Variants in TPO observed in about 807,000 individuals in gnomAD.
The protein encoded by TPO is thyroid microsomal antigen.
In TPO, 78 loss-of-function variants were observed where a neutral mutation model predicts 96.9. The ratio of observed to expected loss-of-function variants is 0.81; its 90% CI spans 0.67 to 0.97. The LOEUF is 0.97. Ranked by LOEUF, TPO falls within the 50% of genes least tolerant of loss-of-function variation. The pLI, the probability that TPO is intolerant of heterozygous loss-of-function variation, is 0.00. For missense variants in TPO, 1,252 were observed against 1,274.8 expected (o/e 0.98, Z 0.27); for synonymous variants, 547 against 538.0 (o/e 1.02, Z -0.23).
chr2:1,440,505 T>G (rs1666059628), intron 5 of TPO, among the ~76,000 whole-genome samples: 1 of 152,230 alleles, frequency 6.6e-6, no homozygotes, highest in African/African-American at 2.4e-5. Flanking sequence ...GTTTGTATGG[T>G]GTAGTCGGTG....
intron 8 of TPO, among the ~76,000 whole-genome samples, chr2:1,482,465 G>A (rs547441981): frequency 1.3e-5 from 2 of 152,140 alleles, no homozygotes; most frequent in African/African-American, 2.4e-5. Flanking sequence ...ACATGGCACC[G>A]CCAGCAGAGG....
intron 16 of TPO, 91 bp from the exon 17 acceptor site, chr2:1,542,330 G>A (rs2125363852): frequency 1.3e-6 from 2 of 1,545,488 alleles, no homozygotes; most frequent in Non-Finnish European, 8.8e-7. Context: ...AAGAGCTCCT[G>A]TCCAGGCCCT....
intron 1 of TPO, among the ~76,000 whole-genome samples, chr2:1,384,467 GA>G (rs1661856712): frequency 6.6e-6 from 1 of 152,130 alleles, no homozygotes; most frequent in Admixed American, 6.5e-5. Flanking sequence ...TATTCTCTTT[GA>G]AGCAATTGTG....
At position 1,535,858 on chromosome 2, in the gene TPO, TC is replaced by T. The variant is rs113754135; in HGVS notation, c.2619-4730del. On this transcript the variant is annotated intron_variant, in intron 15 of 16. Coordinates refer to ENST00000329066, the MANE Select transcript of TPO (RefSeq NM_001206744.2). ...CCAAACTGTGTGCAACCTCCCCGAA[TC>T]CCCCCAACTTTGTGCAACCTCAAGT... Among the ~76,000 whole-genome samples, 4 of 57,434 alleles carry T rather than the reference TC, an allele frequency of 7.0e-5. 1 individual carries two copies. The highest frequency in any genetic ancestry group is 1.3e-4 in the Non-Finnish European group (4 of 31,080). 37.7% of individuals were successfully genotyped at this position (57,434 alleles called of 152,430 possible). A position where few individuals can be genotyped will look rare whatever the true frequency, so the allele number is the denominator to read the frequency against.
At chr2:1,422,932 C>T (rs1663922617) in intron 2 of TPO, 113 bp from the exon 3 acceptor site, 7 of 1,183,528 alleles carry the variant, frequency 5.9e-6, no homozygotes, top group Admixed American at 1.9e-5. Context: ...CTGCCTGTCC[C>T]GGAAGCCACG....
rs770732241 is a variant in TPO, at chr2:1,503,985, C to T, written c.2424C>T (p.Cys808=). ...NECADGAHPP[C]HASARCRNTK... ...GTGCAGACGGTGCCCACCCCCCCTG[C>T]CACGCCTCTGCGAGGTGCAGAAACA... Residue 808 remains cysteine, a synonymous_variant, in exon 14 of 17, where the codon TGC becomes TGT. Coordinates refer to ENST00000329066, the MANE Select transcript of TPO (RefSeq NM_001206744.2). The T allele has an allele frequency of 1.2e-5, 19 of 1,614,058 alleles. No homozygotes were observed. Among genetic ancestry groups the T allele is most frequent in the Middle Eastern group, 1.6e-4 (1 of 6,084 alleles).
chr2:1,461,499 G>C (rs1281142883), intron 7 of TPO, among the ~76,000 whole-genome samples: 5 of 152,116 alleles, frequency 3.3e-5, no homozygotes, highest in Non-Finnish European at 7.3e-5. Context: ...GGGAGGAATT[G>C]GCCTTTCGTC....
At chr2:1,481,981 G>A (rs376930093) in intron 8 of TPO, among the ~76,000 whole-genome samples, 20 of 152,310 alleles carry the variant, frequency 1.3e-4, no homozygotes, top group East Asian at 7.8e-4. Flanking sequence ...GCTGTGTCAC[G>A]TCCTTGGGGA....
chr2:1,374,199 T>G (rs1661682612), upstream of TPO: 1 of 152,256 alleles, frequency 6.6e-6, no homozygotes, highest in South Asian at 2.1e-4. Flanking sequence ...AAATCTTTTT[T>G]ACCCAGCCTG....
intron 5 of TPO, among the ~76,000 whole-genome samples, chr2:1,442,959 G>A (rs904755714): frequency 2.6e-5 from 4 of 152,236 alleles, no homozygotes; most frequent in South Asian, 2.1e-4. Context: ...TTTCTTGCTG[G>A]GCACTTTGGC....
At chr2:1,521,067 G>A (rs1051712981) in intron 15 of TPO, among the ~76,000 whole-genome samples, 10 of 152,072 alleles carry the variant, frequency 6.6e-5, no homozygotes, top group Admixed American at 3.3e-4. Flanking sequence ...TTTCCTTGTC[G>A]TTGATAAACG....
Position 1,506,410 on chromosome 2 carries a change from T to G in TPO, c.2518+2331T>G, listed in dbSNP as rs973839963. ...TTGGGTGTATACCCAGTAATGGGAT[T>G]GCTGGGTCAAATGGTATTTCTAGTT... On this transcript the variant is annotated intron_variant, in intron 14 of 16. Transcript: ENST00000329066. Among the ~76,000 whole-genome samples the G allele has an allele frequency of 3.3e-5, 5 of 152,296 alleles. No individual in the cohort carries two copies. In the South Asian group the frequency reaches 1.0e-3, roughly 32 times the overall value.
chr2:1,458,299 A>G (rs1668068718), intron 7 of TPO, among the ~76,000 whole-genome samples: 1 of 151,006 alleles, frequency 6.6e-6, no homozygotes, highest in African/African-American at 2.4e-5. Context: ...CAGTGTGTGG[A>G]CACATGTGTA....
At chr2:1,402,403 A>G (rs1024472172) in intron 1 of TPO, among the ~76,000 whole-genome samples, 4 of 152,168 alleles carry the variant, frequency 2.6e-5, no homozygotes, top group Non-Finnish European at 5.9e-5. Context: ...AAGAGACGGG[A>G]GCACAGAGCA....
intron 1 of TPO, among the ~76,000 whole-genome samples, chr2:1,392,318 A>C (rs1231677792): frequency 6.6e-6 from 1 of 152,158 alleles, no homozygotes; most frequent in African/African-American, 2.4e-5. Flanking sequence ...ATTGATTTGC[A>C]TATGTTGAAC....
chr2:1,438,199 G>A (rs968724178), intron 5 of TPO, among the ~76,000 whole-genome samples: 9 of 151,816 alleles, frequency 5.9e-5, no homozygotes, highest in Admixed American at 2.6e-4. Flanking sequence ...GGACAGTGGC[G>A]TTGGAGATGT....
chr2:1,413,597 T>C, intron 1 of TPO, 52 bp downstream of exon 1: 1 of 879,046 alleles, frequency 1.1e-6, no homozygotes, highest in Non-Finnish European at 1.4e-6. Context: ...AATTCATCAT[T>C]GGAACTTGTA....
rs1457993561 is a variant in TPO, at chr2:1,457,717, CTG to C, written c.819+1440_819+1441del. ...AGATGTGTACATAGCATGTATGATA[CTG>C]TGTGGTCACAAGTATATAGCATATA... is the stretch of plus-strand genomic sequence containing the variant. On this transcript the variant is annotated intron_variant, in intron 7 of 16. Coordinates refer to ENST00000329066, the MANE Select transcript of TPO (RefSeq NM_001206744.2). Among the ~76,000 whole-genome samples, 4 of 150,840 alleles carry C rather than the reference CTG, an allele frequency of 2.7e-5. No homozygotes were observed. The East Asian group carries it at 7.9e-4, about 30-fold the overall frequency.
intron 15 of TPO, 23 bp downstream of exon 15, chr2:1,517,005 G>GT (rs750822168): frequency 1.2e-6 from 2 of 1,610,212 alleles, no homozygotes; most frequent in South Asian, 1.1e-5. Flanking sequence ...CTTTTTGACT[G>GT]TTACTTAGAC....
Sources: allele counts gnomAD v4.1 joint callset (sites outside exome capture counted in the v4.1 genomes callset), GRCh38; gene constraint gnomAD v4.1.1; transcripts MANE v1.5; gene names NCBI Gene and HGNC (gene_info 2026-07-23, HGNC 2026-07-21).